RNLS: variants seen among roughly 807,000 people sequenced by gnomAD.
The protein encoded by RNLS is renalase, FAD dependent amine oxidase.
RNLS carries 39 observed loss-of-function variants against 39.8 expected under a neutral mutation model. That is an observed-to-expected ratio of 0.98 (90% CI 0.76 to 1.28). The LOEUF (loss-of-function observed/expected upper bound fraction) is 1.28. Among genes scored for constraint, RNLS ranks in the 50% most tolerant of loss-of-function variants. The probability of loss-of-function intolerance (pLI) is 0.00; values close to 1 mark genes in which losing one functional copy is unlikely to be tolerated. For missense variants in RNLS, 410 were observed against 413.3 expected (o/e 0.99, Z 0.07); for synonymous variants, 147 against 150.7 (o/e 0.98, Z 0.18).
At chr10:88,362,139 C>T (rs1849688646) in intron 5 of RNLS, among the ~76,000 whole-genome samples, 3 of 151,840 alleles carry the variant, frequency 2.0e-5, no homozygotes, top group South Asian at 4.2e-4. Context: ...TAAAATTCTC[C>T]TTTAATTTCT....
At chr10:88,565,964 G>A (rs540863486) in intron 4 of RNLS, among the ~76,000 whole-genome samples, 1 of 151,766 alleles carries the variant, frequency 6.6e-6, no homozygotes, top group Non-Finnish European at 1.5e-5. Context: ...GGCCAGGATG[G>A]TCTCGATCTC....
intron 4 of RNLS, among the ~76,000 whole-genome samples, chr10:88,483,126 C>T (rs1844294766): frequency 6.6e-6 from 1 of 152,162 alleles, no homozygotes; most frequent in African/African-American, 2.4e-5. Flanking sequence ...TGTGCTCCTA[C>T]ATCTTGAGCC....
intron 6 of RNLS, among the ~76,000 whole-genome samples, chr10:88,306,182 T>C (rs1259909961): frequency 1.3e-5 from 2 of 152,100 alleles, no homozygotes; most frequent in Non-Finnish European, 2.9e-5. Context: ...AAAGGCAGTG[T>C]TAAGAGGGAA....
chr10:88,186,183 T>A, the RNLS span, among the ~76,000 whole-genome samples: 8 of 152,310 alleles, frequency 5.3e-5, no homozygotes, highest in African/African-American at 1.9e-4. Context: ...TTTTAATAAA[T>A]GAGCAGAATA....
chr10:88,393,313 C>T (rs1282995894), intron 4 of RNLS, among the ~76,000 whole-genome samples: 1 of 152,004 alleles, frequency 6.6e-6, no homozygotes, highest in Non-Finnish European at 1.5e-5. Flanking sequence ...AGCCCAAAAT[C>T]TCCTCAAGCT....
chr10:88,290,552 G>T (rs1209978004), intron 6 of RNLS, among the ~76,000 whole-genome samples: 1 of 151,914 alleles, frequency 6.6e-6, no homozygotes, highest in South Asian at 2.1e-4. Flanking sequence ...CAATGAGAAA[G>T]AAAAAATGGT....
chr10:88,582,409 T>C (rs1303085432), intron 1 of RNLS, 102 bp from the exon 2 acceptor site: 7 of 875,558 alleles, frequency 8.0e-6, no homozygotes, highest in Non-Finnish European at 1.0e-5. Flanking sequence ...TTCAAAAATA[T>C]CTTAAGAAAC....
the RNLS span, among the ~76,000 whole-genome samples, chr10:88,184,849 C>T: frequency 6.6e-6 from 1 of 152,070 alleles, no homozygotes; most frequent in East Asian, 1.9e-4. Flanking sequence ...CTGAGGTACT[C>T]CAGATCTTAA....
intron 4 of RNLS, among the ~76,000 whole-genome samples, chr10:88,547,150 A>G (rs1771486000): frequency 6.6e-6 from 1 of 152,218 alleles, no homozygotes; most frequent in African/African-American, 2.4e-5. Flanking sequence ...TAATCTTCAG[A>G]GATGTCAGGT....
intron 4 of RNLS, among the ~76,000 whole-genome samples, chr10:88,509,581 CT>C (rs933024176): frequency 1.8e-4 from 27 of 152,012 alleles, no homozygotes; most frequent in African/African-American, 6.0e-4. Context: ...ATTTGATTGC[CT>C]TTTTAAAAAT....
chr10:88,377,239 TATA>T (rs1851080031), intron 4 of RNLS, among the ~76,000 whole-genome samples: 1 of 107,362 alleles, frequency 9.3e-6, no homozygotes, highest in Non-Finnish European at 2.4e-5. Flanking sequence ...TACACACACA[TATA>T]CACACACACA....
intron 4 of RNLS, among the ~76,000 whole-genome samples, chr10:88,420,864 T>C (rs1277960516): frequency 3.3e-5 from 5 of 152,254 alleles, no homozygotes; most frequent in African/African-American, 4.8e-5. Flanking sequence ...GAAAGTTACT[T>C]GTGCCTGAGC....
At position 88,310,799 on chromosome 10, in the gene RNLS, G is replaced by A. The variant is rs1363130230; in HGVS notation, c.876+3667C>T. Reference sequence around the variant, plus strand: ...GGTGACAGATTTAGAGCCTACCTCTGCCAAAAAAAAAAAAAAAAAAAAAAA... The same window carrying A: ...GGTGACAGATTTAGAGCCTACCTCTACCAAAAAAAAAAAAAAAAAAAAAAA... On this transcript the variant is annotated intron_variant, in intron 6 of 6. Coordinates refer to ENST00000331772, the MANE Select transcript of RNLS (RefSeq NM_001031709.3). Among the ~76,000 whole-genome samples the A allele has an allele frequency of 8.1e-3, 282 of 34,968 alleles. 1 individual carries two copies. Among genetic ancestry groups the A allele is most frequent in the African/African-American group, 0.026 (270 of 10,454 alleles). 22.9% of individuals were successfully genotyped at this position (34,968 alleles called of 152,430 possible). A position where few individuals can be genotyped will look rare whatever the true frequency, so the allele number is the denominator to read the frequency against.
At chr10:88,550,783 C>T (rs1466517658) in intron 4 of RNLS, among the ~76,000 whole-genome samples, 2 of 152,266 alleles carry the variant, frequency 1.3e-5, no homozygotes, top group Non-Finnish European at 2.9e-5. Context: ...AGCAATTACA[C>T]ACACACATAT....
chr10:88,489,964 C>T (rs1462051257), intron 4 of RNLS, among the ~76,000 whole-genome samples: 3 of 152,034 alleles, frequency 2.0e-5, no homozygotes, highest in Non-Finnish European at 4.4e-5. Context: ...GAAGGCTGTC[C>T]ATTGTATGGC....
At position 88,284,691 on chromosome 10, in the gene RNLS, A is replaced by C; in HGVS notation, c.*663T>G. Reference sequence around the variant, plus strand: ...TTTTTATCTTTCATATTAGGACTGGAATTTGTTTGAAAGTTAAAAAGTACT... The same window carrying C: ...TTTTTATCTTTCATATTAGGACTGGCATTTGTTTGAAAGTTAAAAAGTACT... On this transcript the variant is annotated 3_prime_UTR_variant, in exon 7 of 7. Transcript: ENST00000331772. 1 of 985,142 alleles carries C rather than the reference A, an allele frequency of 1.0e-6. No individual in the cohort carries two copies. The highest frequency in any genetic ancestry group is 1.2e-6 in the Non-Finnish European group (1 of 829,766). 61.0% of individuals were successfully genotyped at this position (985,142 alleles called of 1,614,324 possible).
At chr10:88,461,097 G>C (rs1842911867) in intron 4 of RNLS, among the ~76,000 whole-genome samples, 2 of 152,112 alleles carry the variant, frequency 1.3e-5, no homozygotes, top group South Asian at 4.1e-4. Context: ...TTTTCAGGGA[G>C]CTTCTGAAAA....
intron 5 of RNLS, among the ~76,000 whole-genome samples, chr10:88,352,156 T>G (rs1036516182): frequency 5.3e-5 from 8 of 152,208 alleles, no homozygotes; most frequent in Non-Finnish European, 8.8e-5. Context: ...CAGGGACAAT[T>G]TGACTTCCTC....
the RNLS span, among the ~76,000 whole-genome samples, chr10:88,260,336 C>T: frequency 6.6e-6 from 1 of 152,206 alleles, no homozygotes; most frequent in African/African-American, 2.4e-5. Flanking sequence ...TAATACTATT[C>T]TTCATCAAAT....
Sources: allele counts gnomAD v4.1 joint callset (sites outside exome capture counted in the v4.1 genomes callset), GRCh38; gene constraint gnomAD v4.1.1; transcripts MANE v1.5; gene names NCBI Gene and HGNC (gene_info 2026-07-23, HGNC 2026-07-21).